Variants in MOXD1 observed in about 807,000 individuals in gnomAD.
MOXD1 encodes DBH-like monooxygenase protein 1.
In MOXD1, 62 loss-of-function variants were observed where a neutral mutation model predicts 66.6. That is an observed-to-expected ratio of 0.93 (90% CI 0.76 to 1.15). MOXD1 has a LOEUF of 1.15. MOXD1 is among the 50% of genes most tolerant of loss of function. The pLI, the probability that MOXD1 is intolerant of heterozygous loss-of-function variation, is 0.00. For missense variants in MOXD1, 847 were observed against 754.6 expected, an observed-to-expected ratio of 1.12 and a Z score of -1.44; for synonymous variants, 303 against 281.9, an observed-to-expected ratio of 1.07 and a Z score of -0.75.
chr6:132,374,563 C>T, intron 2 of MOXD1, 68 bp downstream of exon 2: 1 of 1,384,034 alleles, frequency 7.2e-7, no homozygotes, highest in South Asian at 1.4e-5. Context: ...TTCTCTTATT[C>T]TTTAAAGTGC....
intron 10 of MOXD1, among the ~76,000 whole-genome samples, chr6:132,313,839 C>G (rs754616391): frequency 6.6e-6 from 1 of 152,084 alleles, no homozygotes. Context: ...CACTTGAACC[C>G]AGGAGGCAGA....
chr6:132,343,780 G>A (rs553135262), intron 4 of MOXD1, among the ~76,000 whole-genome samples: 27 of 151,852 alleles, frequency 1.8e-4, no homozygotes, highest in Admixed American at 8.5e-4. Context: ...GCATAAAACC[G>A]GAAATAATTT....
At chr6:132,365,382 A>G (rs1307315585) in intron 4 of MOXD1, among the ~76,000 whole-genome samples, 2 of 152,142 alleles carry the variant, frequency 1.3e-5, no homozygotes, top group Admixed American at 1.3e-4. Context: ...TCACCTCAGC[A>G]TGCCCTGTGA....
chr6:132,358,220 G>C (rs1046873190), intron 4 of MOXD1, among the ~76,000 whole-genome samples: 15 of 152,148 alleles, frequency 9.9e-5, no homozygotes, highest in Non-Finnish European at 1.9e-4. Context: ...GTTCATATAG[G>C]TTAAATAAAG....
At chr6:132,327,085 C>T (rs1365081909) in intron 6 of MOXD1, among the ~76,000 whole-genome samples, 1 of 152,176 alleles carries the variant, frequency 6.6e-6, no homozygotes, top group Non-Finnish European at 1.5e-5. Flanking sequence ...TCTTTCTTCA[C>T]TGCACCCTAA....
chr6:132,310,689 C>T (rs1774808309), intron 10 of MOXD1, among the ~76,000 whole-genome samples: 1 of 152,120 alleles, frequency 6.6e-6, no homozygotes, highest in South Asian at 2.1e-4. Context: ...AGATCATGTC[C>T]TTTGAAGGGA....
chr6:132,363,379 C>T (rs370290601), intron 4 of MOXD1, among the ~76,000 whole-genome samples: 6 of 152,046 alleles, frequency 3.9e-5, no homozygotes, highest in Admixed American at 3.3e-4. Context: ...TGTTATACCT[C>T]AACAAAGCTG....
At chr6:132,353,957 C>T (rs1353509926) in intron 4 of MOXD1, among the ~76,000 whole-genome samples, 1 of 152,156 alleles carries the variant, frequency 6.6e-6, no homozygotes, top group Non-Finnish European at 1.5e-5. Flanking sequence ...AATTCTATTG[C>T]TGAGACTTTC....
chr6:132,395,547 G>T (rs1389069092), intron 1 of MOXD1, among the ~76,000 whole-genome samples: 1 of 152,082 alleles, frequency 6.6e-6, no homozygotes, highest in African/African-American at 2.4e-5. Context: ...AACCCGGAAT[G>T]TAAACAAATT....
intron 10 of MOXD1, among the ~76,000 whole-genome samples, chr6:132,311,912 A>C (rs1427972356): frequency 6.6e-6 from 1 of 152,140 alleles, no homozygotes; most frequent in Non-Finnish European, 1.5e-5. Flanking sequence ...GTGAGTTTTA[A>C]ATAGGAAAAA....
intron 6 of MOXD1, among the ~76,000 whole-genome samples, chr6:132,326,340 T>A (rs1182990614): frequency 6.6e-6 from 1 of 151,954 alleles, no homozygotes; most frequent in Non-Finnish European, 1.5e-5. Flanking sequence ...AATAAGCTTA[T>A]GTTTCATTTT....
At position 132,322,679 on chromosome 6, in the gene MOXD1, T is replaced by C. The variant is rs1177216737; in HGVS notation, c.1305A>G (p.Pro435=). 1 of 1,612,036 alleles carries C rather than the reference T, an allele frequency of 6.2e-7. No individual in the cohort carries two copies. Among genetic ancestry groups the C allele is most frequent in the Non-Finnish European group, 8.5e-7 (1 of 1,178,956 alleles). Residue 435 remains proline, a splice_region_variant and synonymous_variant, in exon 8 of 12, where the codon CCA becomes CCG. Transcript: ENST00000367963. The part of the protein sequence containing the change: ...QYLKEEQTIL[P]GDNLITECRY... ...TGAAAAAGAACAAAAACATGCATAC[T>C]GGTAAGATTGTTTGTTCTTCCTTTA...
chr6:132,313,352 A>G (rs760369215), intron 10 of MOXD1, among the ~76,000 whole-genome samples: 1 of 152,196 alleles, frequency 6.6e-6, no homozygotes. Flanking sequence ...CTATAAACCA[A>G]TTTATGTAAG....
At chr6:132,392,058 G>A (rs980177311) in intron 1 of MOXD1, 1 of 904,462 alleles carries the variant, frequency 1.1e-6, no homozygotes, top group East Asian at 2.8e-5. Flanking sequence ...CTGTGTCAGG[G>A]TTGCACACTC....
chr6:132,303,807 A>ACATGTG (rs1491472694), intron 10 of MOXD1, among the ~76,000 whole-genome samples: 1 of 47,922 alleles, frequency 2.1e-5, no homozygotes, highest in Non-Finnish European at 3.4e-5. Context: ...ATACACACAC[A>ACATGTG]TGTGTGTGTG....
chr6:132,296,824 A>G lies in MOXD1; in HGVS notation c.*329T>C, dbSNP rs903519632. Reference sequence around the variant, plus strand: ...AGTCAAGTCAAAAAGTGAAATAGCAACAATGAGTATTTAAATAAAACAGAA... The same window carrying G: ...AGTCAAGTCAAAAAGTGAAATAGCAGCAATGAGTATTTAAATAAAACAGAA... On this transcript the variant is annotated 3_prime_UTR_variant, in exon 12 of 12. Coordinates refer to ENST00000367963, the MANE Select transcript of MOXD1 (RefSeq NM_015529.4). The G allele has an allele frequency of 4.5e-5, 8 of 176,338 alleles. No individual in the cohort carries two copies. Among genetic ancestry groups the G allele is most frequent in the Middle Eastern group, 2.3e-3 (1 of 436 alleles). The allele number at this position is 176,338 out of a possible 1,614,324, so 10.9% of individuals were successfully genotyped here.
chr6:132,366,192 T>C (rs959519337), intron 4 of MOXD1, among the ~76,000 whole-genome samples: 3 of 152,108 alleles, frequency 2.0e-5, no homozygotes, highest in Admixed American at 2.0e-4. Context: ...AGATAGATTA[T>C]GAAAGTTAAT....
chr6:132,314,718 G>A (rs1774904415), intron 10 of MOXD1, among the ~76,000 whole-genome samples: 2 of 152,018 alleles, frequency 1.3e-5, no homozygotes, highest in Admixed American at 6.6e-5. Context: ...CCAACCCAGA[G>A]AGGCTTTCTT....
At chr6:132,316,181 A>G (rs970261967) in intron 9 of MOXD1, among the ~76,000 whole-genome samples, 2 of 152,102 alleles carry the variant, frequency 1.3e-5, no homozygotes, top group African/African-American at 4.8e-5. Context: ...CGACGGGGAG[A>G]AAGATTTCAT....
Sources: gnomAD v4.1 joint callset for allele counts (sites outside exome capture counted in the v4.1 genomes callset) on GRCh38, gnomAD v4.1.1 for gene constraint, MANE v1.5 for transcripts, NCBI Gene and HGNC (gene_info 2026-07-23, HGNC 2026-07-21) for gene names.